ASB3: variants seen among roughly 807,000 people sequenced by gnomAD.
The protein encoded by ASB3 is ankyrin repeat and SOCS box protein 3.
A neutral mutation model predicts 54.5 loss-of-function variants in ASB3; 41 were observed. The observed-to-expected ratio is 0.75, with a 90% CI of 0.59 to 0.98. The LOEUF is 0.98. Ranked by LOEUF, ASB3 falls within the 50% of genes least tolerant of loss-of-function variation. The pLI is 0.00. For missense variants in ASB3, 733 were observed against 620.0 expected (o/e 1.18, Z -1.94); for synonymous variants, 266 against 221.2 (o/e 1.20, Z -1.80).
intron 1 of ASB3, among the ~76,000 whole-genome samples, chr2:53,765,899 AT>A: frequency 6.6e-6 from 1 of 151,198 alleles, no homozygotes; most frequent in Non-Finnish European, 1.5e-5. Flanking sequence ...ACCACAACGC[AT>A]TCTTTGGTGC....
chr2:53,786,906 C>G lies in ASB3; in HGVS notation c.-99G>C, dbSNP rs1219868512. 2.8e-6 allele frequency: 1 copy of G among 351,520 alleles called. No individual in the cohort carries two copies. The highest frequency in any genetic ancestry group is 5.2e-6 in the Non-Finnish European group (1 of 193,892). The allele number at this position is 351,520 out of a possible 1,614,324, so 21.8% of individuals were successfully genotyped here. On this transcript the variant is annotated 5_prime_UTR_variant, in exon 1 of 10. Coordinates refer to ENST00000263634, the MANE Select transcript of ASB3 (RefSeq NM_016115.5). ...GTCCCAGAAGCCCCCGCTTTCGATC[C>G]CCACCGCGATGCTGCAGCCGTCCGA...
intron 9 of ASB3, among the ~76,000 whole-genome samples, chr2:53,680,176 G>A (rs1016503988): frequency 6.6e-6 from 1 of 152,124 alleles, no homozygotes; most frequent in Non-Finnish European, 1.5e-5. Context: ...CCATGTCTTT[G>A]TTACTGTGAA....
chr2:53,683,503 T>G (rs947869056), intron 9 of ASB3, among the ~76,000 whole-genome samples: 2 of 152,188 alleles, frequency 1.3e-5, no homozygotes, highest in Non-Finnish European at 2.9e-5. Flanking sequence ...TACAGTACAT[T>G]TGGAAATATT....
chr2:53,742,027 A>G (rs1363942782), intron 3 of ASB3, among the ~76,000 whole-genome samples: 1 of 152,206 alleles, frequency 6.6e-6, no homozygotes, highest in Non-Finnish European at 1.5e-5. Flanking sequence ...CTGAGGAACA[A>G]AACTAAGTAC....
At chr2:53,765,688 CT>C in intron 1 of ASB3, 103 bp from the exon 2 acceptor site, 1 of 1,367,702 alleles carries the variant, frequency 7.3e-7, no homozygotes. Context: ...TCTCACATGA[CT>C]GACGAAGAAG....
Position 53,750,833 on chromosome 2 carries a change from C to A in ASB3, c.305G>T (p.Gly102Val), listed in dbSNP as rs750137018. ...WKIVQILLEA[G>V]ADPNATTLEE... The stretch of plus-strand genomic sequence containing the variant: ...TAAAGTAGTTGCATTAGGATCTGCC[C>A]CAGCTTCTAAAAGAATCTGTACGAT... Residue 102 changes from glycine (G) to valine (V), a missense_variant, in exon 3 of 10, where the codon GGG becomes GTG. By Grantham distance (109) the Gly-to-Val change is moderately radical. Transcript: ENST00000263634. The A allele has an allele frequency of 3.1e-6, 5 of 1,602,240 alleles. No homozygotes were observed. Among genetic ancestry groups the A allele is most frequent in the African/African-American group, 2.7e-5 (2 of 74,608 alleles).
At chr2:53,718,123 C>T (rs964502650) in intron 5 of ASB3, among the ~76,000 whole-genome samples, 15 of 152,106 alleles carry the variant, frequency 9.9e-5, no homozygotes, top group Non-Finnish European at 1.6e-4. Flanking sequence ...TATTTGAGGA[C>T]ATAATTTAAG....
chr2:53,755,485 C>G (rs558122194), intron 2 of ASB3, among the ~76,000 whole-genome samples: 2 of 152,316 alleles, frequency 1.3e-5, no homozygotes, highest in South Asian at 4.1e-4. Flanking sequence ...GAATATTTCT[C>G]AACAGCTGAG....
At chr2:53,720,598 C>T (rs1670650648) in intron 5 of ASB3, among the ~76,000 whole-genome samples, 1 of 152,194 alleles carries the variant, frequency 6.6e-6, no homozygotes, top group Admixed American at 6.5e-5. Context: ...TTTCATAAAA[C>T]AAGCTCTTAG....
At chr2:53,735,891 G>A (rs1040434302) in intron 3 of ASB3, among the ~76,000 whole-genome samples, 8 of 151,284 alleles carry the variant, frequency 5.3e-5, no homozygotes, top group South Asian at 2.1e-4. Flanking sequence ...TGGGTCCACT[G>A]AATATCCATA....
chr2:53,752,107 G>A (rs1208136082), intron 2 of ASB3, among the ~76,000 whole-genome samples: 2 of 152,008 alleles, frequency 1.3e-5, no homozygotes, highest in African/African-American at 4.8e-5. Context: ...GCTCCTAAAT[G>A]GAAAATTTCA....
intron 9 of ASB3, among the ~76,000 whole-genome samples, chr2:53,679,590 G>A (rs913850874): frequency 5.9e-5 from 9 of 152,078 alleles, no homozygotes; most frequent in Non-Finnish European, 1.3e-4. Flanking sequence ...AATCTTTGAT[G>A]TCGTTTTATA....
chr2:53,754,636 T>G (rs893688764), intron 2 of ASB3, among the ~76,000 whole-genome samples: 2 of 152,238 alleles, frequency 1.3e-5, no homozygotes, highest in African/African-American at 2.4e-5. Context: ...GGGTTATACT[T>G]CGGGCCAATT....
In ASB3 at chr2:53,697,159, C is replaced by T. The variant is rs192624040; in HGVS notation, c.1238+3112G>A. Among the ~76,000 whole-genome samples the T allele has an allele frequency of 6.6e-5, 10 of 152,276 alleles. 1 individual carries two copies. The highest frequency in any genetic ancestry group is 3.9e-4 in the Admixed American group (6 of 15,298). On this transcript the variant is annotated intron_variant, in intron 8 of 9. Transcript: ENST00000263634. ...ATTGTTCATTATATGCTAATTATAA[C>T]GCATTAGCATGCTAGAAGACACTCC...
chr2:53,735,834 A>G (rs1671596302), intron 3 of ASB3, among the ~76,000 whole-genome samples: 1 of 152,182 alleles, frequency 6.6e-6, no homozygotes, highest in Admixed American at 6.5e-5. Flanking sequence ...GCAGAAACAG[A>G]TACCTTCAAC....
At chr2:53,726,692 A>ATT (rs1553375981) in intron 5 of ASB3, among the ~76,000 whole-genome samples, 1 of 151,274 alleles carries the variant, frequency 6.6e-6, no homozygotes, top group African/African-American at 2.4e-5. Context: ...ATATATATAT[A>ATT]GTTTTGTTTT....
rs576860367 is a variant in ASB3, at chr2:53,758,115, C to T, written c.197-7174G>A. 3.3e-5 allele frequency among the ~76,000 whole-genome samples: 5 copies of T among 152,238 alleles called. No homozygotes were observed. The East Asian group carries it at 7.7e-4, about 24-fold the overall frequency. ...TTAAAAGCCAGGGTAAATTTAAAAC[C>T]TATAATTGATAACTGAAGGTCTTCT... On this transcript the variant is annotated intron_variant, in intron 2 of 9. Transcript: ENST00000263634.
At chr2:53,685,130 G>A (rs937837604) in intron 9 of ASB3, among the ~76,000 whole-genome samples, 3 of 152,142 alleles carry the variant, frequency 2.0e-5, no homozygotes, top group Non-Finnish European at 4.4e-5. Flanking sequence ...GGGAGAAATC[G>A]AGTTCTTTTA....
chr2:53,755,283 C>G (rs916004513), intron 2 of ASB3, among the ~76,000 whole-genome samples: 3 of 152,116 alleles, frequency 2.0e-5, no homozygotes, highest in African/African-American at 4.8e-5. Context: ...CCAAACACTG[C>G]CAATGGAACC....
Sources: allele counts gnomAD v4.1 joint callset (sites outside exome capture counted in the v4.1 genomes callset), GRCh38; gene constraint gnomAD v4.1.1; transcripts MANE v1.5; gene names NCBI Gene and HGNC (gene_info 2026-07-23, HGNC 2026-07-21).